Variants in EPM2A observed in about 807,000 individuals in gnomAD.
EPM2A encodes the protein EPM2A glucan phosphatase, laforin, also known as laforin.
In EPM2A, 21 loss-of-function variants were observed where a neutral mutation model predicts 26.5. The observed-to-expected ratio is 0.79, with a 90% CI of 0.56 to 1.14. The LOEUF (loss-of-function observed/expected upper bound fraction) is 1.14. Ranked by LOEUF, EPM2A falls within the 50% of genes most tolerant of loss-of-function variation. The pLI, the probability that EPM2A is intolerant of heterozygous loss-of-function variation, is 0.00. For missense variants in EPM2A, 458 were observed against 440.8 expected (o/e 1.04, Z -0.35); for synonymous variants, 217 against 177.6 (o/e 1.22, Z -1.76).
At chr6:145,669,754 G>A (rs976666397) in intron 2 of EPM2A, among the ~76,000 whole-genome samples, 1 of 152,136 alleles carries the variant, frequency 6.6e-6, no homozygotes, top group Non-Finnish European at 1.5e-5. Context: ...TTTGTTATAA[G>A]AAAGAATAAC....
At chr6:145,583,124 T>C (rs1186931073) in intron 2 of EPM2A, among the ~76,000 whole-genome samples, 2 of 152,234 alleles carry the variant, frequency 1.3e-5, no homozygotes, top group African/African-American at 4.8e-5. Context: ...ATGATCTTTG[T>C]TCCTATTCAT....
At chr6:145,499,297 T>C (rs1779859084), downstream of EPM2A, among the ~76,000 whole-genome samples, 1 of 152,240 alleles carries the variant, frequency 6.6e-6, no homozygotes, top group Non-Finnish European at 1.5e-5. Flanking sequence ...TGATATTTTT[T>C]AGAATCAAAC....
chr6:145,728,133 A>G (rs1194525043), intron 1 of EPM2A, among the ~76,000 whole-genome samples: 3 of 152,226 alleles, frequency 2.0e-5, no homozygotes, highest in Non-Finnish European at 4.4e-5. Context: ...CTGGAGAATC[A>G]TAAGTCAATT....
intron 1 of EPM2A, among the ~76,000 whole-genome samples, chr6:145,716,269 C>T (rs1294788128): frequency 6.6e-6 from 1 of 152,168 alleles, no homozygotes; most frequent in Non-Finnish European, 1.5e-5. Flanking sequence ...GAACTGTGCA[C>T]TTTAAATGGA....
intron 2 of EPM2A, among the ~76,000 whole-genome samples, chr6:145,517,169 T>A (rs1173330579): frequency 6.6e-6 from 1 of 152,040 alleles, no homozygotes; most frequent in African/African-American, 2.4e-5. Context: ...AAACTAAAAG[T>A]AGAATGGTGG....
At chr6:145,458,022 C>T (rs1037012656) in intron 4 of EPM2A, among the ~76,000 whole-genome samples, 45 of 152,152 alleles carry the variant, frequency 3.0e-4, no homozygotes, top group Admixed American at 2.9e-3. Context: ...CTTCTGAATC[C>T]AATTAGTATT....
chr6:145,564,896 A>C (rs1780862187), intron 2 of EPM2A, among the ~76,000 whole-genome samples: 1 of 151,894 alleles, frequency 6.6e-6, no homozygotes, highest in Non-Finnish European at 1.5e-5. Flanking sequence ...CAGCAACTTA[A>C]ATTTCCCTGA....
intron 4 of EPM2A, among the ~76,000 whole-genome samples, chr6:145,469,308 T>C (rs923414769): frequency 3.9e-5 from 6 of 152,126 alleles, no homozygotes; most frequent in Non-Finnish European, 8.8e-5. Flanking sequence ...TCCCTTGACA[T>C]GTGAGCATTA....
intron 2 of EPM2A, among the ~76,000 whole-genome samples, chr6:145,682,814 TA>T (rs962684925): frequency 6.6e-6 from 1 of 152,102 alleles, no homozygotes; most frequent in African/African-American, 2.4e-5. Flanking sequence ...ATCCCAACCA[TA>T]AAAAAATTCT....
Position 145,510,383 on chromosome 6 carries a change from C to A in EPM2A, c.341-7808G>T, listed in dbSNP as rs145845813. Among the ~76,000 whole-genome samples, 279 of 152,184 alleles carry A rather than the reference C, an allele frequency of 1.8e-3. 2 individuals carry two copies. The highest frequency in any genetic ancestry group is 6.5e-3 in the African/African-American group (268 of 41,540). On this transcript the variant is annotated intron_variant, in intron 2 of 3. Coordinates refer to the EPM2A transcript ENST00000450221. ...TGAATTAAAAAACATCACAATGATA[C>A]CAGCCATACTCTCCAACCACAATGG...
chr6:145,630,046 C>A (rs1776132281), intron 3 of EPM2A: 1 of 152,242 alleles, frequency 6.6e-6, no homozygotes, highest in Non-Finnish European at 1.5e-5. Context: ...GCAATACATT[C>A]CCCTTTTCAT....
rs371788979 is a variant in EPM2A, at chr6:145,576,459, G to A, written c.340+58786C>T. On this transcript the variant is annotated intron_variant, in intron 2 of 3. Transcript: ENST00000450221. ...TTATGCATATCACAAAGTACAGATT[G>A]GGCAGTTTAAAACTAATAAACAGGA... Among the ~76,000 whole-genome samples, 22 of 152,250 alleles carry A rather than the reference G, an allele frequency of 1.4e-4. No individual in the cohort carries two copies. The South Asian group carries it at 4.4e-3, about 30-fold the overall frequency.
At chr6:145,619,871 A>G (rs1247163190) in intron 2 of EPM2A, among the ~76,000 whole-genome samples, 1 of 152,244 alleles carries the variant, frequency 6.6e-6, no homozygotes, top group Non-Finnish European at 1.5e-5. Flanking sequence ...CATAATTATA[A>G]AAAATAAAAA....
intron 2 of EPM2A, among the ~76,000 whole-genome samples, chr6:145,664,961 CCAACGAGAA>C (rs1779052726): frequency 7.8e-6 from 1 of 127,720 alleles, no homozygotes; most frequent in South Asian, 2.9e-4. Flanking sequence ...TTCTTTGAAA[CCAACGAGAA>C]CAAAGACACA....
intron 2 of EPM2A, among the ~76,000 whole-genome samples, chr6:145,615,907 GCATT>G (rs1775502705): frequency 6.6e-6 from 1 of 152,118 alleles, no homozygotes; most frequent in South Asian, 2.1e-4. Flanking sequence ...GCTGTTAAAG[GCATT>G]CAGTTTTAAA....
At chr6:145,581,001 C>T (rs964119772) in intron 2 of EPM2A, among the ~76,000 whole-genome samples, 39 of 152,078 alleles carry the variant, frequency 2.6e-4, no homozygotes, top group African/African-American at 9.2e-4. Context: ...GTCTTTATGG[C>T]AGAATGATTT....
chr6:145,456,109 G>C (rs527733178), intron 4 of EPM2A, among the ~76,000 whole-genome samples: 1 of 152,284 alleles, frequency 6.6e-6, no homozygotes, highest in East Asian at 1.9e-4. Flanking sequence ...GAAGAAGGGG[G>C]ATGCATGGTG....
intron 2 of EPM2A, among the ~76,000 whole-genome samples, chr6:145,548,765 G>T (rs1168679325): frequency 1.3e-5 from 2 of 152,000 alleles, no homozygotes; most frequent in Non-Finnish European, 2.9e-5. Flanking sequence ...TTTCCTAAGA[G>T]CTAAACTCGG....
At chr6:145,668,164 T>TA (rs149978232) in intron 2 of EPM2A, among the ~76,000 whole-genome samples, 64,131 of 145,914 alleles carry the variant, frequency 0.44, 14,636 homozygotes, top group Non-Finnish European at 0.52. Context: ...TAAAGTATAA[T>TA]AAAAAAAAAA....
Sources: allele counts gnomAD v4.1 joint callset (sites outside exome capture counted in the v4.1 genomes callset), GRCh38; gene constraint gnomAD v4.1.1; transcripts MANE v1.5; gene names NCBI Gene and HGNC (gene_info 2026-07-23, HGNC 2026-07-21).